Variants in SCHIP1 observed in about 807,000 individuals in gnomAD.
SCHIP1 encodes the protein schwannomin-interacting protein 1.
Under a neutral mutation model 29.7 loss-of-function variants are expected in SCHIP1, and 8 were observed. That is an observed-to-expected ratio of 0.27 (90% CI 0.16 to 0.49). The LOEUF is 0.49. Ranked by LOEUF, SCHIP1 falls within the 20% of genes least tolerant of loss-of-function variation. SCHIP1 has a pLI of 0.99. For missense variants in SCHIP1, 193 were observed against 294.6 expected, an observed-to-expected ratio of 0.66 and a Z score of 2.52; for synonymous variants, 76 against 94.9, an observed-to-expected ratio of 0.80 and a Z score of 1.16.
At chr3:159,655,209 C>T in the SCHIP1 span, among the ~76,000 whole-genome samples, 1 of 152,116 alleles carries the variant, frequency 6.6e-6, no homozygotes, top group South Asian at 2.1e-4. Flanking sequence ...AATATGCTAC[C>T]AGTTACTACT....
At chr3:159,446,514 G>T in the SCHIP1 span, among the ~76,000 whole-genome samples, 1 of 150,406 alleles carries the variant, frequency 6.6e-6, no homozygotes, top group Non-Finnish European at 1.5e-5. Context: ...ATACAGTATT[G>T]TTGCATTACA....
rs566940351 is a variant in SCHIP1, at chr3:159,843,001, C to CTTTTTTTTTTTTT, written c.30+2803_30+2815dup. Among the ~76,000 whole-genome samples the CTTTTTTTTTTTTT allele has an allele frequency of 5.2e-3, 329 of 63,694 alleles. 65 individuals carry two copies. Among genetic ancestry groups the CTTTTTTTTTTTTT allele is most frequent in the Non-Finnish European group, 7.3e-3 (221 of 30,136 alleles). The allele number at this position is 63,694 out of a possible 152,430, so 41.8% of individuals were successfully genotyped here. A position where few individuals can be genotyped will look rare whatever the true frequency, so the allele number is the denominator to read the frequency against. On this transcript the variant is annotated intron_variant, in intron 1 of 6. Coordinates refer to ENST00000445224, the Ensembl canonical transcript of SCHIP1. ...TCCAGTTCTATCCCAATATTTCTTT[C>CTTTTTTTTTTTTT]TTTTTTTTTTTTTTTTTTTTTTTTT...
At chr3:159,390,157 GAACA>G in the SCHIP1 span, among the ~76,000 whole-genome samples, 1 of 151,880 alleles carries the variant, frequency 6.6e-6, no homozygotes, top group Non-Finnish European at 1.5e-5. Flanking sequence ...TATGAATTTA[GAACA>G]AACTTTGATG....
the SCHIP1 span, among the ~76,000 whole-genome samples, chr3:159,366,730 A>G: frequency 2.0e-5 from 3 of 152,138 alleles, no homozygotes; most frequent in African/African-American, 4.8e-5. Flanking sequence ...CAGCCACATC[A>G]TCTCCCTGCC....
the SCHIP1 span, among the ~76,000 whole-genome samples, chr3:159,771,330 T>G: frequency 1.3e-5 from 2 of 152,240 alleles, no homozygotes; most frequent in Non-Finnish European, 2.9e-5. Flanking sequence ...TAAGATGTCT[T>G]TAGTATTCCT....
chr3:159,350,609 T>C, the SCHIP1 span, among the ~76,000 whole-genome samples: 10 of 152,182 alleles, frequency 6.6e-5, no homozygotes, highest in Non-Finnish European at 1.5e-4. Context: ...ATGGTAAGAC[T>C]ACCTGATGCT....
chr3:159,702,547 ATCT>A, the SCHIP1 span, among the ~76,000 whole-genome samples: 1 of 152,214 alleles, frequency 6.6e-6, no homozygotes, highest in African/African-American at 2.4e-5. Context: ...GCCAAGCCTA[ATCT>A]TCTCCTGACA....
chr3:159,762,309 T>C, the SCHIP1 span, among the ~76,000 whole-genome samples: 34 of 152,070 alleles, frequency 2.2e-4, no homozygotes, highest in African/African-American at 7.2e-4. Context: ...TCCAGAGGAG[T>C]TGAAAGGTTA....
the SCHIP1 span, among the ~76,000 whole-genome samples, chr3:159,791,500 G>A: frequency 1.3e-5 from 2 of 152,200 alleles, no homozygotes; most frequent in African/African-American, 4.8e-5. Context: ...TGGGGCATCT[G>A]GCAACCTCAG....
the SCHIP1 span, among the ~76,000 whole-genome samples, chr3:159,355,333 G>A: frequency 4.6e-5 from 7 of 152,236 alleles, no homozygotes; most frequent in South Asian, 2.1e-4. Flanking sequence ...TCAGAGGGCA[G>A]AAACCAATGA....
At chr3:159,857,835 G>A (rs1713566075) in intron 1 of SCHIP1, among the ~76,000 whole-genome samples, 1 of 152,084 alleles carries the variant, frequency 6.6e-6, no homozygotes, top group African/African-American at 2.4e-5. Flanking sequence ...CTAAAAATAG[G>A]TATTATTTCT....
the SCHIP1 span, among the ~76,000 whole-genome samples, chr3:159,602,108 TCGCAGCA>T: frequency 6.6e-6 from 1 of 152,204 alleles, no homozygotes. Flanking sequence ...ATGGTTCACA[TCGCAGCA>T]GTCTATGGTA....
At chr3:159,890,763 T>C (rs2109486864) in intron 5 of SCHIP1, among the ~76,000 whole-genome samples, 1 of 152,268 alleles carries the variant, frequency 6.6e-6, no homozygotes, top group African/African-American at 2.4e-5. Context: ...TAGACCTCTT[T>C]GTGTGATTTT....
chr3:159,778,601 C>T, the SCHIP1 span, among the ~76,000 whole-genome samples: 2 of 152,174 alleles, frequency 1.3e-5, no homozygotes, highest in Non-Finnish European at 2.9e-5. Context: ...CAGGCTGTGA[C>T]TTGAGGAGGG....
chr3:159,878,721 T>C (rs940945289), intron 2 of SCHIP1, among the ~76,000 whole-genome samples: 2 of 146,698 alleles, frequency 1.4e-5, no homozygotes, highest in African/African-American at 5.0e-5. Context: ...GAGCTTGCAG[T>C]GAGCCGAGAT....
chr3:159,387,138 G>C, the SCHIP1 span: 3 of 182,408 alleles, frequency 1.6e-5, no homozygotes, highest in Non-Finnish European at 3.5e-5. Flanking sequence ...TTCTGCATGG[G>C]GAAAATGGAG....
At chr3:159,418,799 G>C in the SCHIP1 span, among the ~76,000 whole-genome samples, 1 of 54,300 alleles carries the variant, frequency 1.8e-5, no homozygotes, top group African/African-American at 8.1e-5. Flanking sequence ...GCCTCAGGGG[G>C]AACAGATGGC....
At chr3:159,476,209 C>A in the SCHIP1 span, among the ~76,000 whole-genome samples, 1 of 152,082 alleles carries the variant, frequency 6.6e-6, no homozygotes. Context: ...AGGGAGAATA[C>A]AAAATGTTTA....
the SCHIP1 span, among the ~76,000 whole-genome samples, chr3:159,573,973 G>T: frequency 1.3e-5 from 2 of 152,110 alleles, no homozygotes; most frequent in African/African-American, 4.8e-5. Flanking sequence ...GTCATTTAAG[G>T]TCTTCTCTAC....
Sources: allele counts gnomAD v4.1 joint callset (sites outside exome capture counted in the v4.1 genomes callset), GRCh38; gene constraint gnomAD v4.1.1; transcripts MANE v1.5; gene names NCBI Gene and HGNC (gene_info 2026-07-23, HGNC 2026-07-21).